Variants in RPS19 observed in about 807,000 individuals in gnomAD.
RPS19 encodes small ribosomal subunit protein eS19.
Under a neutral mutation model 20.3 loss-of-function variants are expected in RPS19, and 1 was observed. That is an observed-to-expected ratio of 0.05 (90% confidence interval 0.02 to 0.23). The LOEUF (loss-of-function observed/expected upper bound fraction) is 0.23. Ranked by LOEUF, RPS19 falls within the 10% of genes least tolerant of loss-of-function variation. The probability of loss-of-function intolerance (pLI) is 1.00; values close to 1 mark genes in which losing one functional copy is unlikely to be tolerated. For synonymous variants in RPS19, 87 were observed against 74.8 expected (o/e 1.16, Z -0.84); for missense variants, 111 against 192.7 (o/e 0.58, Z 2.51).
At chr19:41,866,941 C>T (rs926174162) in intron 3 of RPS19, among the ~76,000 whole-genome samples, 3 of 151,924 alleles carry the variant, frequency 2.0e-5, no homozygotes, top group East Asian at 1.9e-4. Context: ...GGAGTGAACC[C>T]GGAAGGCAGA....
intron 3 of RPS19, among the ~76,000 whole-genome samples, chr19:41,866,562 T>TGCCAGAGG (rs1196914774): frequency 6.6e-6 from 1 of 152,054 alleles, no homozygotes; most frequent in Non-Finnish European, 1.5e-5. Context: ...GAGGTGGGGA[T>TGCCAGAGG]TTTAAAGTGA....
Position 41,871,700 on chromosome 19 carries a change from TC to T in RPS19, c.*326del. 2.6e-6 allele frequency: 1 copy of T among 378,604 alleles called. No individual in the cohort carries two copies. The allele number at this position is 378,604 out of a possible 1,614,324, so 23.5% of individuals were successfully genotyped here. A position where few individuals can be genotyped will look rare whatever the true frequency, so the allele number is the denominator to read the frequency against. On this transcript the variant is annotated 3_prime_UTR_variant, in exon 6 of 6. Transcript: ENST00000598742. Reference sequence around the variant, plus strand: ...GTTTACCCGGCAGCCAGTCGGGCCTTCCCAGGTCAAACAGTTCCCATCTGGG... The same window carrying T: ...GTTTACCCGGCAGCCAGTCGGGCCTTCCAGGTCAAACAGTTCCCATCTGGG...
At chr19:41,866,893 T>C (rs1256824134) in intron 3 of RPS19, among the ~76,000 whole-genome samples, 2 of 152,088 alleles carry the variant, frequency 1.3e-5, no homozygotes, top group Non-Finnish European at 2.9e-5. Flanking sequence ...GGCGGGCCCC[T>C]GTAGTCCCAG....
intron 3 of RPS19, among the ~76,000 whole-genome samples, chr19:41,866,867 A>G (rs963281559): frequency 6.6e-6 from 1 of 152,078 alleles, no homozygotes; most frequent in Non-Finnish European, 1.5e-5. Context: ...ATACAAAAAA[A>G]TTAGCCAGGC....
At chr19:41,869,608 T>C in intron 4 of RPS19, 91 bp from the exon 5 acceptor site, 1 of 1,455,420 alleles carries the variant, frequency 6.9e-7, no homozygotes. Context: ...GCAGGTGGCT[T>C]TTTGAGAAGC....
chr19:41,871,294 A>T, intron 5 of RPS19, 57 bp from the exon 6 acceptor site: 1 of 1,555,630 alleles, frequency 6.4e-7, no homozygotes, highest in Admixed American at 1.7e-5. Context: ...AGCTGTTACA[A>T]AGTGCCCCAG....
intron 5 of RPS19, 147 bp downstream of exon 5, chr19:41,869,900 C>A: frequency 3.8e-6 from 3 of 782,274 alleles, no homozygotes; most frequent in Non-Finnish European, 6.4e-6. Context: ...TGCCCAGAGA[C>A]AGGAGAAAGG....
intron 3 of RPS19, chr19:41,861,434 C>T (rs1555839268): frequency 1.7e-6 from 1 of 577,440 alleles, no homozygotes; most frequent in Admixed American, 2.9e-5. Context: ...GGCTTTGAGC[C>T]TCAGGGGAAA....
In RPS19 at chr19:41,871,448, GCT is replaced by G. The variant is rs2074148754; in HGVS notation, c.*74_*75del. 7.1e-7 allele frequency: 1 copy of G among 1,399,540 alleles called. No homozygotes were observed. The highest frequency in any genetic ancestry group is 1.4e-5 in the African/African-American group (1 of 70,498). The allele number at this position is 1,399,540 out of a possible 1,614,324, so 86.7% of individuals were successfully genotyped here. ...TCTGGGTCTCTTTTTTGAGTCTCTT[GCT>G]CTGTCGCCCAGGCTGGAGTGCAGTG... On this transcript the variant is annotated 3_prime_UTR_variant, in exon 6 of 6. Coordinates refer to ENST00000598742, the MANE Select transcript of RPS19 (RefSeq NM_001022.4).
chr19:41,869,473 T>C (rs1270718286), intron 4 of RPS19, among the ~76,000 whole-genome samples: 12 of 152,222 alleles, frequency 7.9e-5, no homozygotes, highest in Non-Finnish European at 1.5e-5. Context: ...CAATTGATTT[T>C]TCGGGGCTTT....
intron 5 of RPS19, 70 bp from the exon 6 acceptor site, chr19:41,871,281 G>C (rs1299118061): frequency 7.2e-7 from 1 of 1,393,382 alleles, no homozygotes. Context: ...TGGGTAGTTA[G>C]GTAGCTGTTA....
At chr19:41,863,900 T>C (rs558225101) in intron 3 of RPS19, 1 of 147,600 alleles carries the variant, frequency 6.8e-6, no homozygotes, top group East Asian at 2.0e-4. Context: ...TGGAGTACAC[T>C]GGTGCCGTCT....
intron 3 of RPS19, among the ~76,000 whole-genome samples, chr19:41,865,534 T>C (rs2123273202): frequency 6.6e-6 from 1 of 152,274 alleles, no homozygotes; most frequent in East Asian, 1.9e-4. Flanking sequence ...TTCAAGCTCC[T>C]GTCTGACTGC....
chr19:41,870,392 G>C (rs1231195108), intron 5 of RPS19, among the ~76,000 whole-genome samples: 1 of 152,156 alleles, frequency 6.6e-6, no homozygotes, highest in African/African-American at 2.4e-5. Flanking sequence ...CATCACATGG[G>C]CTGCTTGGGA....
intron 3 of RPS19, chr19:41,863,864 T>TA (rs1555839877): frequency 2.8e-4 from 30 of 108,286 alleles, no homozygotes; most frequent in East Asian, 5.6e-4. Context: ...TTTTTTTTTT[T>TA]AAACAGAGTT....
rs930868590 is a variant in RPS19, at chr19:41,860,296, G to C, written c.-1+7G>C. On this transcript the variant is annotated splice_region_variant and intron_variant, in intron 1 of 5. Coordinates refer to ENST00000598742, the MANE Select transcript of RPS19 (RefSeq NM_001022.4). ...GCAGCGCGGAGGCCGCACGGTAAGC[G>C]GGGGCTCCGAGCTGGACCGGGCGCG... 6.5e-6 allele frequency: 1 copy of C among 153,430 alleles called. No individual in the cohort carries two copies. Among genetic ancestry groups the C allele is most frequent in the South Asian group, 2.1e-4 (1 of 4,858 alleles). 9.5% of individuals were successfully genotyped at this position (153,430 alleles called of 1,614,324 possible).
In RPS19 at chr19:41,861,299, T is replaced by C. The variant is rs187598408; in HGVS notation, c.172+87T>C. On this transcript the variant is annotated intron_variant, in intron 3 of 5. Coordinates refer to ENST00000598742, the MANE Select transcript of RPS19 (RefSeq NM_001022.4). ...ACTTCCCTGTCTCCTCTGAGCTCTT[T>C]CCCGCCCCAAGAGGGAGAGAAACCC... 8.3e-6 allele frequency: 8 copies of C among 966,772 alleles called. No individual in the cohort carries two copies. In the East Asian group the frequency reaches 1.3e-4, roughly 15 times the overall value. The allele number at this position is 966,772 out of a possible 1,614,324, so 59.9% of individuals were successfully genotyped here.
chr19:41,870,521 C>T (rs2074135773), intron 5 of RPS19, among the ~76,000 whole-genome samples: 1 of 152,128 alleles, frequency 6.6e-6, no homozygotes, highest in African/African-American at 2.4e-5. Context: ...CTGTCTTGGC[C>T]TCCCTGTGGC....
intron 3 of RPS19, among the ~76,000 whole-genome samples, chr19:41,862,322 G>C (rs138591851): frequency 6.6e-6 from 1 of 152,158 alleles, no homozygotes; most frequent in East Asian, 1.9e-4. Context: ...TAACTCAGCC[G>C]CGGCCTCTGA....
Sources: allele counts gnomAD v4.1 joint callset (sites outside exome capture counted in the v4.1 genomes callset), GRCh38; gene constraint gnomAD v4.1.1; transcripts MANE v1.5; gene names NCBI Gene and HGNC (gene_info 2026-07-23, HGNC 2026-07-21).